The following SH3BP2 variants were observed in gnomAD, a reference collection of about 807,000 sequenced individuals.
The protein encoded by SH3BP2 is SH3 domain-binding protein 2.
Under a neutral mutation model 56.2 loss-of-function variants are expected in SH3BP2, and 38 were observed. That is an observed-to-expected ratio of 0.68 (90% CI 0.52 to 0.89). The LOEUF (loss-of-function observed/expected upper bound fraction) is 0.89, where lower values mean the gene tolerates loss of function less well. SH3BP2 is among the 40% of genes least tolerant of loss of function. The probability of loss-of-function intolerance (pLI) is 0.00; values close to 1 mark genes in which losing one functional copy is unlikely to be tolerated. For missense variants in SH3BP2, 748 were observed against 762.6 expected, an observed-to-expected ratio of 0.98 and a Z score of 0.23; for synonymous variants, 346 against 316.7, an observed-to-expected ratio of 1.09 and a Z score of -0.98.
chr4:2,824,492 G>A (rs540582773), intron 3 of SH3BP2, 121 bp from the exon 4 acceptor site: 14 of 614,748 alleles, frequency 2.3e-5, no homozygotes, highest in South Asian at 1.8e-4. Context: ...GGGCCCACCC[G>A]ATCTGCCCTC....
chr4:2,833,184 T>TCCACCATCGCTCAC, intron 12 of SH3BP2, 135 bp downstream of exon 12: 2 of 770,160 alleles, frequency 2.6e-6, no homozygotes, highest in Non-Finnish European at 4.5e-6. Context: ...CCCCTTCCCC[T>TCCACCATCGCTCAC]CCACCATCGC....
At chr4:2,813,165 A>C (rs2108715012) in intron 1 of SH3BP2, among the ~76,000 whole-genome samples, 2 of 152,352 alleles carry the variant, frequency 1.3e-5, no homozygotes, top group East Asian at 3.9e-4. Flanking sequence ...AAGGAAGAGC[A>C]GACAGCTGTG....
At chr4:2,799,255 G>T (rs979968252) in intron 1 of SH3BP2, 13 of 985,334 alleles carry the variant, frequency 1.3e-5, no homozygotes, top group African/African-American at 1.7e-5. Context: ...GACCCTCACC[G>T]CGACTGGACT....
At chr4:2,833,458 T>G in intron 12 of SH3BP2, 1 of 616,526 alleles carries the variant, frequency 1.6e-6, no homozygotes, top group Non-Finnish European at 2.9e-6. Context: ...TTCCTGACCT[T>G]GTCTGAAGTG....
rs1723788244 is a variant in SH3BP2 at position 2,812,433 on chromosome 4, C to G, written c.-4-8181C>G. On this transcript the variant is annotated intron_variant, in intron 1 of 12. Transcript: ENST00000503393. Reference sequence around the variant, plus strand: ...TGGGCCCCAGGACACCGGCCCCGAGCAGGTCACGAGGACGGAGGGCCATGT... The same window carrying G: ...TGGGCCCCAGGACACCGGCCCCGAGGAGGTCACGAGGACGGAGGGCCATGT... 6.5e-7 allele frequency: 1 copy of G among 1,550,284 alleles called. No homozygotes were observed. Among genetic ancestry groups the G allele is most frequent in the African/African-American group, 1.4e-5 (1 of 73,170 alleles).
Position 2,803,004 on chromosome 4 carries a change from C to T in SH3BP2, c.-5+9866C>T, listed in dbSNP as rs147891484. On this transcript the variant is annotated intron_variant, in intron 1 of 12. Coordinates refer to ENST00000503393, the MANE Select transcript of SH3BP2 (RefSeq NM_001122681.2). Reference sequence around the variant, plus strand: ...CCAGGAGCTTGTCCAGATAAAACGCCGTAAAGTGCCTGGGCTGAGCCCGAG... The same window carrying T: ...CCAGGAGCTTGTCCAGATAAAACGCTGTAAAGTGCCTGGGCTGAGCCCGAG... Among the ~76,000 whole-genome samples, 220 of 152,348 alleles carry T rather than the reference C, an allele frequency of 1.4e-3. 1 individual carries two copies. Among genetic ancestry groups the T allele is most frequent in the Non-Finnish European group, 2.7e-3 (181 of 68,032 alleles).
At chr4:2,824,585 G>A (rs922169703) in intron 3 of SH3BP2, 28 bp from the exon 4 acceptor site, 1 of 1,565,570 alleles carries the variant, frequency 6.4e-7, no homozygotes, top group Non-Finnish European at 8.8e-7. Context: ...TGTGAACCAG[G>A]CCGTGACCCC....
chr4:2,825,306 A>C, intron 5 of SH3BP2, 110 bp downstream of exon 5: 4 of 919,310 alleles, frequency 4.4e-6, no homozygotes, highest in Non-Finnish European at 7.0e-6. Flanking sequence ...CCGTCCTTAA[A>C]GGTTTCCTGG....
chr4:2,796,908 G>A (rs1230871388), intron 1 of SH3BP2, among the ~76,000 whole-genome samples: 1 of 152,242 alleles, frequency 6.6e-6, no homozygotes, highest in Non-Finnish European at 1.5e-5. Flanking sequence ...AGGCACCAGA[G>A]GGGAGCTGAG....
Position 2,823,014 on chromosome 4 carries a change from C to A in SH3BP2, c.216C>A (p.Ala72=), listed in dbSNP as rs369670177. The A allele has an allele frequency of 1.9e-6, 3 of 1,613,852 alleles. No homozygotes were observed. The African/African-American group carries it at 4.0e-5, about 22-fold the overall frequency. ...KSSTSASPQG[A]FSLSGYNRVM... is the part of the protein sequence containing the mutation. ...GCACCTCTGCCTCCCCGCAGGGCGC[C>A]TTCTCCCTGAGTGGCTATAACCGGT... The change falls in exon 3 of 13, where the codon GCC becomes GCA. Residue 72 remains alanine (A), a synonymous_variant. Transcript: ENST00000503393.
Position 2,829,589 on chromosome 4 carries a change from C to T in SH3BP2, c.683C>T (p.Ser228Phe), listed in dbSNP as rs1331753232. The change falls in exon 8 of 13, where the codon TCC (serine) becomes TTC (phenylalanine). Residue 228 changes from serine (S) to phenylalanine (F), a missense_variant. Around this residue, in one of 3 missense-constraint regions of SH3BP2, gnomAD observed 635 missense variants for 615.0 expected, o/e 1.03. Coordinates refer to ENST00000503393, the MANE Select transcript of SH3BP2 (RefSeq NM_001122681.2). This position sits in a 1 kb window ranked among gnomAD's most constrained non-coding sequence, Gnocchi z 4.9. ...SDMPRAHSFTSKGPGPLLPPP... is the reference protein window; with the variant it reads ...SDMPRAHSFTFKGPGPLLPPP... ...ATGCCCCGGGCCCACTCCTTTACCT[C>T]CAAGGGCCCCGGTCCCCTACTGCCA... 2.5e-6 allele frequency: 4 copies of T among 1,612,648 alleles called. No homozygotes were observed. In the South Asian group the frequency reaches 3.3e-5, roughly 13 times the overall value.
At chr4:2,802,538 G>GTA in intron 1 of SH3BP2, among the ~76,000 whole-genome samples, 1 of 139,242 alleles carries the variant, frequency 7.2e-6, no homozygotes, top group Non-Finnish European at 1.5e-5. Flanking sequence ...ATGTATGTGT[G>GTA]TGTGTGTATA....
chr4:2,831,507 C>A lies in SH3BP2; in HGVS notation c.1242-64C>A, dbSNP rs1577370031. The A allele has an allele frequency of 8.0e-7, 1 of 1,250,876 alleles. No individual in the cohort carries two copies. Among genetic ancestry groups the A allele is most frequent in the Non-Finnish European group, 1.1e-6 (1 of 872,996 alleles). 77.5% of individuals were successfully genotyped at this position (1,250,876 alleles called of 1,614,324 possible). On this transcript the variant is annotated intron_variant, in intron 8 of 12. Transcript: ENST00000503393. This position sits in a 1 kb window ranked among gnomAD's most constrained non-coding sequence, Gnocchi z 4.1. ...ACAGAGGGTGGAGTGGGGAGGGGAG[C>A]AGAGGGTGGCCGCCCCGTGTCTGAC...
intron 6 of SH3BP2, 120 bp from the exon 7 acceptor site, chr4:2,827,486 C>CA: frequency 8.2e-7 from 1 of 1,216,860 alleles, no homozygotes; most frequent in South Asian, 1.3e-5. Flanking sequence ...GGTCTGGACT[C>CA]ACAGTCCTCC....
chr4:2,818,209 C>T (rs1724091155), intron 1 of SH3BP2: 2 of 987,584 alleles, frequency 2.0e-6, no homozygotes, highest in Non-Finnish European at 2.4e-6. Context: ...GGCTGCCAGG[C>T]CAGGGCCGGC....
intron 8 of SH3BP2, 89 bp downstream of exon 8, chr4:2,830,236 C>G: frequency 1.5e-6 from 2 of 1,305,996 alleles, no homozygotes; most frequent in African/African-American, 1.5e-5. Flanking sequence ...CCTCGCTCCC[C>G]TGGCACTCTT....
Position 2,831,531 on chromosome 4 carries a change from A to T in SH3BP2, c.1242-40A>T. The T allele has an allele frequency of 1.3e-6, 2 of 1,485,966 alleles. No homozygotes were observed. The highest frequency in any genetic ancestry group is 2.5e-5 in the East Asian group (1 of 40,714). The allele number at this position is 1,485,966 out of a possible 1,614,324, so 92.0% of individuals were successfully genotyped here. On this transcript the variant is annotated intron_variant, in intron 8 of 12. Coordinates refer to ENST00000503393, the MANE Select transcript of SH3BP2 (RefSeq NM_001122681.2). This position sits in a 1 kb window ranked among gnomAD's most constrained non-coding sequence, Gnocchi z 4.1. The stretch of plus-strand genomic sequence containing the variant: ...GCAGAGGGTGGCCGCCCCGTGTCTG[A>T]CAGTGAAATGGTCCTGCCTTCCTCT...
intron 1 of SH3BP2, chr4:2,809,778 G>A: frequency 1.0e-6 from 1 of 985,766 alleles, no homozygotes; most frequent in Non-Finnish European, 1.2e-6. Context: ...TTCTTTTTCA[G>A]GCTGACCCTT....
At chr4:2,805,462 A>G (rs1424236046) in intron 1 of SH3BP2, among the ~76,000 whole-genome samples, 1 of 152,100 alleles carries the variant, frequency 6.6e-6, no homozygotes, top group Middle Eastern at 3.4e-3. Context: ...TGAGCCCATG[A>G]GCTAGGCCCC....
Sources: allele counts gnomAD v4.1 joint callset (sites outside exome capture counted in the v4.1 genomes callset), GRCh38; gene constraint gnomAD v4.1.1; regional missense constraint gnomAD v4.1.1; non-coding constraint Gnocchi (gnomAD v3.1); transcripts MANE v1.5; gene names NCBI Gene and HGNC (gene_info 2026-07-23, HGNC 2026-07-21).